The following DPF3 variants were observed in gnomAD, a reference collection of about 807,000 sequenced individuals.
DPF3 encodes the protein zinc finger protein DPF3.
In DPF3, 18 loss-of-function variants were observed where a neutral mutation model predicts 56.8. That is an observed-to-expected ratio of 0.32 (90% confidence interval 0.22 to 0.47). DPF3 has a LOEUF of 0.47. Among genes scored for constraint, DPF3 ranks in the 20% least tolerant of loss-of-function variants. DPF3 has a pLI of 1.00. For missense variants in DPF3, 403 were observed against 488.8 expected (o/e 0.82, Z 1.65); for synonymous variants, 188 against 180.2 (o/e 1.04, Z -0.35).
chr14:72,844,792 A>G (rs946644523), intron 1 of DPF3, among the ~76,000 whole-genome samples: 6 of 152,226 alleles, frequency 3.9e-5, no homozygotes, highest in African/African-American at 1.4e-4. Context: ...TGGTGCACAT[A>G]TAATCTAGTG....
In DPF3 at chr14:72,842,090, GA is replaced by G. The variant is rs397952214; in HGVS notation, c.32+51966del. The stretch of plus-strand genomic sequence containing the variant: ...TGACAGAGTGAGACCCTGTCTCTAA[GA>G]AAAAAAAAAAAAAAACCTCAAAACC... On this transcript the variant is annotated intron_variant, in intron 1 of 10. Transcript: ENST00000556509. Among the ~76,000 whole-genome samples the G allele has an allele frequency of 5.8e-3, 682 of 117,546 alleles. 2 individuals are homozygous for G. The highest frequency in any genetic ancestry group is 0.017 in the African/African-American group (521 of 31,004). 77.1% of individuals were successfully genotyped at this position (117,546 alleles called of 152,430 possible).
intron 9 of DPF3, among the ~76,000 whole-genome samples, chr14:72,621,243 C>T (rs1014254708): frequency 3.3e-5 from 5 of 152,070 alleles, no homozygotes; most frequent in African/African-American, 1.2e-4. Context: ...GACTATAAAG[C>T]CCTTGGGGGC....
chr14:72,724,734 G>A (rs1027339868), intron 4 of DPF3, among the ~76,000 whole-genome samples: 9 of 150,572 alleles, frequency 6.0e-5, no homozygotes, highest in East Asian at 3.9e-4. Context: ...TCTGAGACAG[G>A]GACTCACTTT....
intron 1 of DPF3, among the ~76,000 whole-genome samples, chr14:72,779,406 A>C (rs1390775564): frequency 6.6e-6 from 1 of 152,216 alleles, no homozygotes; most frequent in African/African-American, 2.4e-5. Flanking sequence ...ATTCTCCCTG[A>C]AACTCAGTGT....
rs553303544 is a variant in DPF3, at chr14:72,616,230, G to A, written c.*3067C>T. Among the ~76,000 whole-genome samples the A allele has an allele frequency of 1.3e-5, 2 of 152,298 alleles. No individual in the cohort carries two copies. Among genetic ancestry groups the A allele is most frequent in the African/African-American group, 4.8e-5 (2 of 41,570 alleles). On this transcript the variant is annotated 3_prime_UTR_variant, in exon 11 of 11. Transcript: ENST00000556509. ...GCCCAAGGTCAGTCAGCTAGAAAGTGGCAGTGTTGGTCGGAAAGTGAGCGT... is the reference window on the plus strand; with the variant it reads ...GCCCAAGGTCAGTCAGCTAGAAAGTAGCAGTGTTGGTCGGAAAGTGAGCGT...
intron 1 of DPF3, among the ~76,000 whole-genome samples, chr14:72,879,098 A>G (rs1886224826): frequency 6.6e-6 from 1 of 152,230 alleles, no homozygotes; most frequent in Non-Finnish European, 1.5e-5. Context: ...AGAAAGGCAC[A>G]TGTGGCCAGG....
At chr14:72,778,326 A>C (rs1891833936) in intron 1 of DPF3, among the ~76,000 whole-genome samples, 1 of 152,088 alleles carries the variant, frequency 6.6e-6, no homozygotes, top group Non-Finnish European at 1.5e-5. Flanking sequence ...GCAGCACTAG[A>C]GTCTCATAGA....
At chr14:72,635,811 G>T (rs1885367636) in intron 8 of DPF3, among the ~76,000 whole-genome samples, 1 of 152,062 alleles carries the variant, frequency 6.6e-6, no homozygotes, top group Non-Finnish European at 1.5e-5. Flanking sequence ...ATTATCACCG[G>T]TATTTAATTT....
chr14:72,820,628 T>C (rs1651455198), intron 1 of DPF3, among the ~76,000 whole-genome samples: 1 of 152,180 alleles, frequency 6.6e-6, no homozygotes, highest in Non-Finnish European at 1.5e-5. Flanking sequence ...AATTTTCAGA[T>C]TATTTGACCC....
At chr14:72,840,741 T>C (rs1884511831) in intron 1 of DPF3, among the ~76,000 whole-genome samples, 1 of 152,242 alleles carries the variant, frequency 6.6e-6, no homozygotes, top group Admixed American at 6.5e-5. Context: ...TCACTCAGTT[T>C]CAACTTTTGG....
chr14:72,882,539 T>G lies in DPF3; in HGVS notation c.32+11518A>C, dbSNP rs1035173336. On this transcript the variant is annotated intron_variant, in intron 1 of 10. Transcript: ENST00000556509. ...TGGGATTGGAAGGGGAGTGTGTGCA[T>G]GGGGAAACATAAGGAATTATGCATT... Among the ~76,000 whole-genome samples the G allele has an allele frequency of 1.5e-4, 23 of 152,280 alleles. 2 individuals are homozygous for G. The South Asian group carries it at 4.8e-3, about 32-fold the overall frequency.
chr14:72,868,505 G>C (rs1351872460), intron 1 of DPF3, among the ~76,000 whole-genome samples: 1 of 152,186 alleles, frequency 6.6e-6, no homozygotes, highest in African/African-American at 2.4e-5. Flanking sequence ...CACCCCTAGG[G>C]ATTTTGATTC....
intron 1 of DPF3, among the ~76,000 whole-genome samples, chr14:72,880,994 T>C (rs1163039069): frequency 1.3e-5 from 2 of 152,220 alleles, no homozygotes; most frequent in South Asian, 2.1e-4. Context: ...TCTTTCAGAT[T>C]GTACCTATGG....
chr14:72,687,428 G>A (rs1887460803), intron 7 of DPF3, among the ~76,000 whole-genome samples: 1 of 152,162 alleles, frequency 6.6e-6, no homozygotes, highest in South Asian at 2.1e-4. Flanking sequence ...CCAAACAGAT[G>A]TTTTTTAAGT....
chr14:72,716,915 C>T (rs1196053282), intron 5 of DPF3, among the ~76,000 whole-genome samples: 1 of 152,184 alleles, frequency 6.6e-6, no homozygotes, highest in Admixed American at 6.5e-5. Flanking sequence ...GATCTACCTC[C>T]ACATTGCCCC....
chr14:72,731,926 G>A lies in DPF3; in HGVS notation c.310C>T (p.Leu104Phe), dbSNP rs771219858. The part of the protein sequence containing the change: ...RLLEIKPEVE[L>F]PLKKDGFTSE... ...GTGAACCCATCCTTCTTCAGGGGAAGCTCCACTTCTGAAAAACAAAGATAG... is the reference window on the plus strand; with the variant it reads ...GTGAACCCATCCTTCTTCAGGGGAAACTCCACTTCTGAAAAACAAAGATAG... The change falls in exon 4 of 11, where the codon CTT becomes TTT. Residue 104 changes from leucine (L) to phenylalanine (F), a missense_variant. This residue lies in a region of DPF3 where 340 missense variants were observed against 374.3 expected (regional missense o/e 0.91). Transcript: ENST00000556509. 2.5e-6 allele frequency: 4 copies of A among 1,584,944 alleles called. No individual in the cohort carries two copies. The highest frequency in any genetic ancestry group is 1.3e-5 in the African/African-American group (1 of 74,160).
At chr14:72,889,504 G>A (rs567092360) in intron 1 of DPF3, among the ~76,000 whole-genome samples, 15 of 152,146 alleles carry the variant, frequency 9.9e-5, no homozygotes, top group South Asian at 2.1e-4. Flanking sequence ...ACAAAGTCCC[G>A]GCCTCAATGC....
intron 4 of DPF3, among the ~76,000 whole-genome samples, chr14:72,729,316 A>G (rs1889538005): frequency 6.6e-6 from 1 of 152,168 alleles, no homozygotes; most frequent in African/African-American, 2.4e-5. Flanking sequence ...GGTGAGAGAC[A>G]AGTGTACATC....
At chr14:72,872,162 G>T (rs1197637457) in intron 1 of DPF3, among the ~76,000 whole-genome samples, 1 of 152,156 alleles carries the variant, frequency 6.6e-6, no homozygotes, top group African/African-American at 2.4e-5. Context: ...GGCCCCTGGA[G>T]CATCTGGGAC....
Sources: allele counts gnomAD v4.1 joint callset (sites outside exome capture counted in the v4.1 genomes callset), GRCh38; gene constraint gnomAD v4.1.1; regional missense constraint gnomAD v4.1.1; transcripts MANE v1.5; gene names NCBI Gene and HGNC (gene_info 2026-07-23, HGNC 2026-07-21).